Variants in CATSPER2 observed in about 807,000 individuals in gnomAD.
CATSPER2 encodes the protein cation channel sperm-associated protein 2.
Under a neutral mutation model 68.8 loss-of-function variants are expected in CATSPER2, and 56 were observed. That is an observed-to-expected ratio of 0.81 (90% CI 0.66 to 1.02). CATSPER2 has a LOEUF of 1.02. Ranked by LOEUF, CATSPER2 falls within the 50% of genes least tolerant of loss-of-function variation. The pLI, the probability that CATSPER2 is intolerant of heterozygous loss-of-function variation, is 0.00. For missense variants in CATSPER2, 582 were observed against 642.0 expected (o/e 0.91, Z 1.01); for synonymous variants, 198 against 229.9 (o/e 0.86, Z 1.26).
chr15:43,638,922 T>G lies in CATSPER2; in HGVS notation c.824A>C (p.Glu275Ala), dbSNP rs539776990. ...TGCTTACGAGAAGAACACATGGTAC[T>G]CCAGGTCCTGACGAGGTGAACGGGT... ...EYTRSPRQDLEYHVFFSDLPN... is the reference protein window; with the variant it reads ...EYTRSPRQDLAYHVFFSDLPN... The change falls in exon 7 of 13, where the codon GAG (glutamate) becomes GCG (alanine). Residue 275 changes from glutamate (E) to alanine (A), a missense_variant. Physicochemically the swap from Glu to Ala is moderately radical, Grantham distance 107 (BLOSUM62 -1). This residue lies in a region of CATSPER2 where 91 missense variants were observed against 72.8 expected (regional missense o/e 1.25). Coordinates refer to ENST00000396879, the MANE Select transcript of CATSPER2 (RefSeq NM_172095.4). The G allele has an allele frequency of 5.0e-6, 8 of 1,613,014 alleles. No homozygotes were observed. Among genetic ancestry groups the G allele is most frequent in the Non-Finnish European group, 6.8e-6 (8 of 1,179,448 alleles).
At chr15:43,638,563 AG>A (rs1451997825) in intron 7 of CATSPER2, among the ~76,000 whole-genome samples, 1 of 151,748 alleles carries the variant, frequency 6.6e-6, no homozygotes, top group Non-Finnish European at 1.5e-5. Flanking sequence ...CTGGGATTTC[AG>A]GGGTGAGCCA....
chr15:43,647,848 C>T, intron 2 of CATSPER2, 69 bp downstream of exon 2: 1 of 1,553,692 alleles, frequency 6.4e-7, no homozygotes, highest in East Asian at 2.2e-5. Context: ...CCAGAATTTT[C>T]CACTCTTAAA....
chr15:43,641,779 G>A (rs2086078780), intron 4 of CATSPER2, among the ~76,000 whole-genome samples: 1 of 151,970 alleles, frequency 6.6e-6, no homozygotes, highest in South Asian at 2.1e-4. Flanking sequence ...CATAATCACG[G>A]TTCACGGAAG....
chr15:43,639,208 G>A (rs11857661), intron 6 of CATSPER2, among the ~76,000 whole-genome samples, 180 bp from the exon 7 acceptor site: 2 of 150,592 alleles, frequency 1.3e-5, no homozygotes, highest in Non-Finnish European at 3.0e-5. Context: ...TTCACAGGAC[G>A]TTTCATTGCC....
In CATSPER2 at chr15:43,648,829, G is replaced by A; in HGVS notation, c.-203C>T. On this transcript the variant is annotated 5_prime_UTR_variant, in exon 1 of 13. Coordinates refer to ENST00000396879, the MANE Select transcript of CATSPER2 (RefSeq NM_172095.4). ...GCCCTAGCCCCTACCCACAGCCCAG[G>A]ACCATGCGGAGCAACGCTCGCCCAG... The A allele has an allele frequency of 2.6e-6, 4 of 1,531,462 alleles. 1 individual carries two copies. The highest frequency in any genetic ancestry group is 3.5e-6 in the Non-Finnish European group (4 of 1,143,212). 94.9% of individuals were successfully genotyped at this position (1,531,462 alleles called of 1,614,324 possible). A position where few individuals can be genotyped will look rare whatever the true frequency, so the allele number is the denominator to read the frequency against.
rs576241032 is a variant in CATSPER2, at chr15:43,641,093, CTTTTG to C, written c.389-602_389-598del. Among the ~76,000 whole-genome samples, 656 of 150,806 alleles carry C rather than the reference CTTTTG, an allele frequency of 4.3e-3. 11 individuals are homozygous for C. The highest frequency in any genetic ancestry group is 0.015 in the African/African-American group (615 of 40,752). On this transcript the variant is annotated intron_variant, in intron 4 of 12. Transcript: ENST00000396879. ...TTCCTCTCTAGAAACCTATTATTTA[CTTTTG>C]TTTTGTTTTGTTTTTTGTTTTTTGT...
Position 43,630,157 on chromosome 15 carries a change from T to C in CATSPER2, c.*544A>G, listed in dbSNP as rs1330337260. 2 of 166,432 alleles carry C rather than the reference T, an allele frequency of 1.2e-5. No individual in the cohort carries two copies. The highest frequency in any genetic ancestry group is 2.7e-5 in the Non-Finnish European group (2 of 75,326). 10.3% of individuals were successfully genotyped at this position (166,432 alleles called of 1,614,324 possible). On this transcript the variant is annotated 3_prime_UTR_variant, in exon 13 of 13. Transcript: ENST00000396879. ...CTTTTTTAGAGATAGGGTCTCGCTA[T>C]GTTGCCCAGGCTGGAATGCAGTGAT...
Position 43,638,905 on chromosome 15 carries a change from A to C in CATSPER2, c.841T>G (p.Ser281Ala). The change falls in exon 7 of 13, where the codon TCG becomes GCG. Residue 281 changes from serine to alanine, a missense_variant and splice_region_variant. Ser to Ala is a moderately conservative substitution (Grantham distance 99). Transcript: ENST00000396879. ...CCAGCTGTCCCCAGCTCTGCTTACG[A>C]GAAGAACACATGGTACTCCAGGTCC... ...RQDLEYHVFF[S>A]DLPNSLVTVF... 6.2e-7 allele frequency: 1 copy of C among 1,612,738 alleles called. No individual in the cohort carries two copies.
intron 4 of CATSPER2, among the ~76,000 whole-genome samples, chr15:43,641,025 C>T (rs2086063086): frequency 1.3e-5 from 2 of 152,048 alleles, no homozygotes; most frequent in East Asian, 1.9e-4. Flanking sequence ...TTCCTTTCTT[C>T]CCTGCCTAAA....
rs1354288133 is a variant in CATSPER2 at position 43,638,286 on chromosome 15, C to CTTTCTT, written c.842+617_842+618insAAGAAA. On this transcript the variant is annotated intron_variant, in intron 7 of 12. Transcript: ENST00000396879. ...ATTTTTCTTTTCTTTTTCTTTCTTT[C>CTTTCTT]TTTTTTTTTTTTTTTTTTTTTGAGA... Among the ~76,000 whole-genome samples the CTTTCTT allele has an allele frequency of 3.5e-3, 286 of 81,844 alleles. 22 individuals are homozygous for CTTTCTT. Among genetic ancestry groups the CTTTCTT allele is most frequent in the African/African-American group, 0.02 (272 of 13,284 alleles). 53.7% of individuals were successfully genotyped at this position (81,844 alleles called of 152,430 possible).
At chr15:43,633,310 T>A (rs1340411752) in intron 10 of CATSPER2, 1 of 304,150 alleles carries the variant, frequency 3.3e-6, no homozygotes, top group Non-Finnish European at 6.3e-6. Context: ...ACCAGAGTAA[T>A]CCTTCTTAAA....
intron 1 of CATSPER2, among the ~76,000 whole-genome samples, 193 bp downstream of exon 1, chr15:43,648,436 G>A (rs2086213588): frequency 6.6e-6 from 1 of 152,034 alleles, no homozygotes; most frequent in African/African-American, 2.4e-5. Flanking sequence ...ACCTGTGCCT[G>A]AGACAATCGG....
rs374107386 is a variant in CATSPER2, at chr15:43,644,675, G to A, written c.388+2375C>T. On this transcript the variant is annotated intron_variant, in intron 4 of 12. Coordinates refer to ENST00000396879, the MANE Select transcript of CATSPER2 (RefSeq NM_172095.4). ...GAGCCCTATTGTGAACTGCATGTGC[G>A]TGACCCTTAGGAGAATCTAATGCCT... is the stretch of plus-strand genomic sequence containing the variant. Among the ~76,000 whole-genome samples the A allele has an allele frequency of 4.5e-4, 68 of 151,990 alleles. 1 individual carries two copies. Among genetic ancestry groups the A allele is most frequent in the African/African-American group, 1.5e-3 (63 of 41,430 alleles).
In CATSPER2 at chr15:43,632,910, C is replaced by T. The variant is rs772607146; in HGVS notation, c.1203G>A (p.Arg401=). ...ACACTTCTGATAAGTCCAAACTTTC[C>T]CTTTGTTGACTAGCTCCTCTTGAAC... is the stretch of plus-strand genomic sequence containing the variant. ...EDSSRGASQQ[R]ESLDLSEVSE... Residue 401 remains arginine (R), a synonymous_variant, in exon 11 of 13, where the codon AGG becomes AGA. Coordinates refer to ENST00000396879, the MANE Select transcript of CATSPER2 (RefSeq NM_172095.4). The T allele has an allele frequency of 3.7e-6, 6 of 1,603,018 alleles. No individual in the cohort carries two copies. In the Admixed American group the frequency reaches 8.4e-5, roughly 22 times the overall value.
intron 12 of CATSPER2, among the ~76,000 whole-genome samples, chr15:43,631,981 G>A (rs1193009200): frequency 1.3e-5 from 2 of 151,972 alleles, no homozygotes; most frequent in African/African-American, 2.4e-5. Flanking sequence ...CCCTGCTACA[G>A]AAGCAGAGTT....
At chr15:43,646,058 T>C (rs2086157586) in intron 4 of CATSPER2, among the ~76,000 whole-genome samples, 1 of 151,978 alleles carries the variant, frequency 6.6e-6, no homozygotes, top group Non-Finnish European at 1.5e-5. Flanking sequence ...TTAATCTTTC[T>C]AAATATACTT....
rs1215656094 is a variant in CATSPER2 at position 43,640,028 on chromosome 15, T to C, written c.562-230A>G. ...AATTCATGGTTATTTAATTGGGTTGTTGTGGAGCATAAATGAGATAATGTA... is the reference window on the plus strand; with the variant it reads ...AATTCATGGTTATTTAATTGGGTTGCTGTGGAGCATAAATGAGATAATGTA... On this transcript the variant is annotated intron_variant, in intron 5 of 12. Coordinates refer to ENST00000396879, the MANE Select transcript of CATSPER2 (RefSeq NM_172095.4). 8 of 1,443,348 alleles carry C rather than the reference T, an allele frequency of 5.5e-6. No homozygotes were observed. The African/African-American group carries it at 5.8e-5, about 10-fold the overall frequency. 89.4% of individuals were successfully genotyped at this position (1,443,348 alleles called of 1,614,324 possible).
Position 43,640,462 on chromosome 15 carries a change from T to C in CATSPER2, c.423A>G (p.Pro141=). The change falls in exon 5 of 13, where the codon CCA becomes CCG. Residue 141 remains proline, a synonymous_variant. Transcript: ENST00000396879. ...LLESTNTKLW[P]LKLTLEVAAW... is the part of the protein sequence containing the mutation. ...CTGCCACCTCCAAGGTCAGCTTCAA[T>C]GGCCATAGTTTGGTATTTGTGGATT... 2 of 1,613,358 alleles carry C rather than the reference T, an allele frequency of 1.2e-6. No homozygotes were observed. The highest frequency in any genetic ancestry group is 1.7e-4 in the Middle Eastern group (1 of 6,056).
chr15:43,631,097 C>T (rs2085862585), intron 12 of CATSPER2, among the ~76,000 whole-genome samples: 1 of 151,914 alleles, frequency 6.6e-6, no homozygotes, highest in South Asian at 2.1e-4. Context: ...TCATTTCCCA[C>T]CTGTGCCCAC....
Sources: gnomAD v4.1 joint callset for allele counts (sites outside exome capture counted in the v4.1 genomes callset) on GRCh38, gnomAD v4.1.1 for gene constraint, gnomAD v4.1.1 regional missense constraint, MANE v1.5 for transcripts, NCBI Gene and HGNC (gene_info 2026-07-23, HGNC 2026-07-21) for gene names.